MAP7: variants seen among roughly 807,000 people sequenced by gnomAD.
MAP7 encodes the protein microtubule associated protein 7.
In MAP7, 52 loss-of-function variants were observed where a neutral mutation model predicts 94.8. That is an observed-to-expected ratio of 0.55 (90% CI 0.44 to 0.69). The LOEUF (loss-of-function observed/expected upper bound fraction) is 0.69. Among genes scored for constraint, MAP7 ranks in the 30% least tolerant of loss-of-function variants. MAP7 has a pLI of 0.00. For missense variants in MAP7, 940 were observed against 964.6 expected (o/e 0.97, Z 0.34); for synonymous variants, 350 against 357.0 (o/e 0.98, Z 0.22).
In MAP7 at chr6:136,477,173, G is replaced by A. The variant is rs148124627; in HGVS notation, c.68-55374C>T. On this transcript the variant is annotated intron_variant, in intron 1 of 17. Transcript: ENST00000354570. The stretch of plus-strand genomic sequence containing the variant: ...AAACACGTGATGGAGGTTAAAGCTG[G>A]AACAAATCAACATGTGCCTCCTGAT... Among the ~76,000 whole-genome samples the A allele has an allele frequency of 4.1e-3, 625 of 152,204 alleles. 13 individuals carry two copies. Among genetic ancestry groups the A allele is most frequent in the Middle Eastern group, 3.4e-3 (1 of 294 alleles).
At position 136,346,024 on chromosome 6, in the gene MAP7, T is replaced by A. The variant is rs780302673; in HGVS notation, c.2071A>T (p.Asn691Tyr). 24 of 1,613,754 alleles carry A rather than the reference T, an allele frequency of 1.5e-5. No homozygotes were observed. In the South Asian group the frequency reaches 2.5e-4, roughly 17 times the overall value. ...GGTAAGTTTATAATTTCTTCAAAAT[T>A]TTCATTCTGAACAGATACACCATTT... ...NENGVSVQNE[N>Y]FEEIINLPIG... The change falls in exon 17 of 18, where the codon AAT becomes TAT. Residue 691 changes from asparagine (N) to tyrosine (Y), a missense_variant. Transcript: ENST00000354570.
intron 1 of MAP7, among the ~76,000 whole-genome samples, chr6:136,471,252 G>A (rs1239346392): frequency 6.6e-6 from 1 of 152,172 alleles, no homozygotes; most frequent in Admixed American, 6.5e-5. Context: ...TTTGATCATG[G>A]TGGGTCTTAC....
intron 1 of MAP7, among the ~76,000 whole-genome samples, chr6:136,482,314 T>C (rs1813097709): frequency 6.6e-6 from 1 of 152,114 alleles, no homozygotes; most frequent in African/African-American, 2.4e-5. Context: ...TAAAGACACA[T>C]AGAGCTGGGT....
chr6:136,344,212 T>C lies in MAP7; in HGVS notation c.*16A>G, dbSNP rs1787072505. The C allele has an allele frequency of 1.5e-6, 2 of 1,322,790 alleles. No individual in the cohort carries two copies. Among genetic ancestry groups the C allele is most frequent in the South Asian group, 1.7e-5 (1 of 57,374 alleles). 81.9% of individuals were successfully genotyped at this position (1,322,790 alleles called of 1,614,324 possible). On this transcript the variant is annotated 3_prime_UTR_variant, in exon 18 of 18. Coordinates refer to ENST00000354570, the MANE Select transcript of MAP7 (RefSeq NM_003980.6). ...ATTCTCATTAAATTTCAGCTTTGGT[T>C]CTTCAGAAGAAACACTCATATAACT... is the stretch of plus-strand genomic sequence containing the variant.
At chr6:136,366,987 G>A (rs1562319430) in intron 8 of MAP7, among the ~76,000 whole-genome samples, 1 of 151,984 alleles carries the variant, frequency 6.6e-6, no homozygotes, top group African/African-American at 2.4e-5. Flanking sequence ...CTGTCCTCTT[G>A]CAGCAATAGA....
chr6:136,509,199 T>C (rs2129026901), intron 1 of MAP7, among the ~76,000 whole-genome samples: 1 of 152,310 alleles, frequency 6.6e-6, no homozygotes, highest in South Asian at 2.1e-4. Flanking sequence ...TGCAATTACC[T>C]TTGACACTCA....
intron 1 of MAP7, among the ~76,000 whole-genome samples, chr6:136,449,104 C>T (rs562334620): frequency 2.6e-5 from 4 of 151,404 alleles, no homozygotes; most frequent in Non-Finnish European, 5.9e-5. Flanking sequence ...GTCAGGAGAT[C>T]GAGACCACGG....
intron 16 of MAP7, among the ~76,000 whole-genome samples, chr6:136,348,208 A>G (rs1357325736): frequency 6.6e-6 from 1 of 152,190 alleles, no homozygotes; most frequent in African/African-American, 2.4e-5. Flanking sequence ...ACGTATCTCC[A>G]GAGCCCCCTT....
intron 2 of MAP7, among the ~76,000 whole-genome samples, chr6:136,413,987 C>T (rs1788372903): frequency 1.3e-5 from 2 of 152,088 alleles, no homozygotes; most frequent in African/African-American, 4.8e-5. Context: ...CGGTGGCTCA[C>T]GCCTGTAATC....
At chr6:136,508,925 A>G (rs1202113556) in intron 1 of MAP7, among the ~76,000 whole-genome samples, 1 of 152,240 alleles carries the variant, frequency 6.6e-6, no homozygotes, top group Non-Finnish European at 1.5e-5. Context: ...GAATTCAAGA[A>G]ACACCATTTA....
intron 1 of MAP7, among the ~76,000 whole-genome samples, chr6:136,456,691 GAAGAAA>G (rs770220318): frequency 7.0e-6 from 1 of 142,496 alleles, no homozygotes; most frequent in African/African-American, 2.6e-5. Context: ...AAAGAAGAAA[GAAGAAA>G]GAAGAAGAAA....
chr6:136,367,055 CTATT>C (rs1273613341), intron 8 of MAP7, among the ~76,000 whole-genome samples: 1 of 152,146 alleles, frequency 6.6e-6, no homozygotes, highest in Non-Finnish European at 1.5e-5. Flanking sequence ...GGAATTTCAG[CTATT>C]TATTTTTTTG....
chr6:136,455,124 G>C (rs913477427), intron 1 of MAP7, among the ~76,000 whole-genome samples: 1 of 151,612 alleles, frequency 6.6e-6, no homozygotes, highest in African/African-American at 2.4e-5. Flanking sequence ...CTTTCATCTA[G>C]TGTGTACTCT....
chr6:136,550,077 T>C lies in MAP7; in HGVS notation c.67+265A>G, dbSNP rs1240276706. On this transcript the variant is annotated intron_variant, in intron 1 of 17. Transcript: ENST00000354570. The surrounding 1 kb of genome is among the most constrained non-coding windows in gnomAD (Gnocchi z 5.1). The stretch of plus-strand genomic sequence containing the variant: ...TTTCCTCCCCCGGCTCGCCTCCACC[T>C]GTTGCGGGAAAGTCGCGGTGGAGCG... 6.6e-6 allele frequency among the ~76,000 whole-genome samples: 1 copy of C among 151,424 alleles called. No homozygotes were observed. The highest frequency in any genetic ancestry group is 2.4e-5 in the African/African-American group (1 of 41,252).
intron 2 of MAP7, among the ~76,000 whole-genome samples, chr6:136,415,096 T>C (rs1042258867): frequency 2.0e-5 from 3 of 152,046 alleles, no homozygotes; most frequent in African/African-American, 7.2e-5. Flanking sequence ...TGAGCCACCA[T>C]GCCCGATCTC....
intron 2 of MAP7, chr6:136,420,387 A>G (rs1790927275): frequency 7.3e-6 from 4 of 547,428 alleles, no homozygotes; most frequent in Non-Finnish European, 1.3e-5. Context: ...CAGCACCAGG[A>G]GGCCAGGGGA....
intron 2 of MAP7, chr6:136,420,008 T>C: frequency 1.3e-6 from 1 of 797,482 alleles, no homozygotes; most frequent in Non-Finnish European, 2.2e-6. Flanking sequence ...GACTCAAGGA[T>C]ATTAGCCACC....
intron 1 of MAP7, among the ~76,000 whole-genome samples, chr6:136,432,541 G>A (rs1338890921): frequency 6.6e-6 from 1 of 152,158 alleles, no homozygotes; most frequent in African/African-American, 2.4e-5. Flanking sequence ...TAAAAAGAAT[G>A]TGAAAGGTTC....
At chr6:136,413,447 G>A (rs1022482715) in intron 2 of MAP7, among the ~76,000 whole-genome samples, 2 of 151,364 alleles carry the variant, frequency 1.3e-5, no homozygotes. Flanking sequence ...GCTTGAATCC[G>A]GGAGGTGGAG....
Sources: gnomAD v4.1 joint callset for allele counts (sites outside exome capture counted in the v4.1 genomes callset) on GRCh38, gnomAD v4.1.1 for gene constraint, Gnocchi (gnomAD v3.1) non-coding constraint, MANE v1.5 for transcripts, NCBI Gene and HGNC (gene_info 2026-07-23, HGNC 2026-07-21) for gene names.